C2CD5: variants seen among roughly 807,000 people sequenced by gnomAD.
The protein encoded by C2CD5 is C2 domain-containing protein 5.
Under a neutral mutation model 130.3 loss-of-function variants are expected in C2CD5, and 109 were observed. The ratio of observed to expected loss-of-function variants is 0.84; its 90% confidence interval spans 0.72 to 0.98. C2CD5 has a LOEUF of 0.98. Ranked by LOEUF, C2CD5 falls within the 50% of genes least tolerant of loss-of-function variation. The pLI, the probability that C2CD5 is intolerant of heterozygous loss-of-function variation, is 0.00. For synonymous variants in C2CD5, 454 were observed against 429.2 expected (o/e 1.06, Z -0.71); for missense variants, 996 against 1,261.8 (o/e 0.79, Z 3.19).
At chr12:22,520,483 G>A (rs764343122) in intron 7 of C2CD5, among the ~76,000 whole-genome samples, 1 of 152,034 alleles carries the variant, frequency 6.6e-6, no homozygotes, top group Non-Finnish European at 1.5e-5. Context: ...CTGTTTCTAC[G>A]TTTGTTGCTA....
intron 2 of C2CD5, among the ~76,000 whole-genome samples, chr12:22,539,501 A>G (rs1952140047): frequency 6.6e-6 from 1 of 152,194 alleles, no homozygotes. Flanking sequence ...AAGCTTTGCA[A>G]AAAAGACAGA....
chr12:22,517,947 TA>T (rs1379795423), intron 8 of C2CD5, 38 bp downstream of exon 8: 2 of 1,535,466 alleles, frequency 1.3e-6, no homozygotes, highest in Non-Finnish European at 1.8e-6. Context: ...AACAAATTTT[TA>T]AAAAAGAAAA....
At chr12:22,527,184 T>G (rs1324554864) in intron 4 of C2CD5, among the ~76,000 whole-genome samples, 2 of 152,054 alleles carry the variant, frequency 1.3e-5, no homozygotes, top group Non-Finnish European at 2.9e-5. Context: ...TTTTAAATCA[T>G]GCATTTACTT....
intron 12 of C2CD5, among the ~76,000 whole-genome samples, chr12:22,488,056 A>AG: frequency 1.4e-5 from 1 of 69,354 alleles, no homozygotes; most frequent in East Asian, 4.4e-4. Flanking sequence ...GGGTAGGGGG[A>AG]GGGGGGAGGG....
intron 9 of C2CD5, among the ~76,000 whole-genome samples, chr12:22,509,474 C>A (rs920047859): frequency 6.6e-6 from 1 of 152,114 alleles, no homozygotes; most frequent in African/African-American, 2.4e-5. Flanking sequence ...GAGGCCACGA[C>A]CCACTCTCCA....
intron 12 of C2CD5, among the ~76,000 whole-genome samples, chr12:22,487,988 T>G (rs371195231): frequency 1.5e-5 from 2 of 130,174 alleles, no homozygotes; most frequent in East Asian, 2.2e-4. Flanking sequence ...CACTCATAGG[T>G]GGGAATGAGA....
At position 22,448,884 on chromosome 12, in the gene C2CD5, A is replaced by G. The variant is rs1937948476; in HGVS notation, c.*876T>C. On this transcript the variant is annotated 3_prime_UTR_variant, in exon 27 of 27. Transcript: ENST00000446597. ...TATGCCAAATACAGTCTAACTCACCATCAACAATCCCTCAGATATTACTAA... is the reference window on the plus strand; with the variant it reads ...TATGCCAAATACAGTCTAACTCACCGTCAACAATCCCTCAGATATTACTAA... 1 of 152,602 alleles carries G rather than the reference A, an allele frequency of 6.6e-6. No individual in the cohort carries two copies. The highest frequency in any genetic ancestry group is 2.4e-5 in the African/African-American group (1 of 41,440). The allele number at this position is 152,602 out of a possible 1,614,324, so 9.5% of individuals were successfully genotyped here. A position where few individuals can be genotyped will look rare whatever the true frequency, so the allele number is the denominator to read the frequency against.
At chr12:22,527,037 CA>C in intron 4 of C2CD5, among the ~76,000 whole-genome samples, 1 of 152,298 alleles carries the variant, frequency 6.6e-6, no homozygotes, top group East Asian at 1.9e-4. Context: ...CCTGCAATGG[CA>C]TGTGCCTGCA....
chr12:22,517,135 T>C (rs1949810310), intron 8 of C2CD5, among the ~76,000 whole-genome samples: 1 of 151,918 alleles, frequency 6.6e-6, no homozygotes, highest in African/African-American at 2.4e-5. Context: ...TTTTATAAAT[T>C]TCTTTTCTAA....
chr12:22,544,275 GGCGCGCGCGGGC>G (rs1285894311), intron 1 of C2CD5, 33 bp downstream of exon 1: 3 of 732,324 alleles, frequency 4.1e-6, no homozygotes, highest in Admixed American at 3.9e-5. Context: ...AGCGCGCGGG[GGCGCGCGCGGGC>G]GCCCGGCAGT....
At chr12:22,458,200 G>A (rs1047168059) in intron 24 of C2CD5, among the ~76,000 whole-genome samples, 2 of 152,042 alleles carry the variant, frequency 1.3e-5, no homozygotes, top group African/African-American at 4.8e-5. Flanking sequence ...AAGAGAGTTG[G>A]CAATTTACTT....
At chr12:22,499,127 T>C (rs1242414687) in intron 10 of C2CD5, among the ~76,000 whole-genome samples, 1 of 152,174 alleles carries the variant, frequency 6.6e-6, no homozygotes, top group Non-Finnish European at 1.5e-5. Flanking sequence ...TATTTTCCCA[T>C]CTCAACACTC....
chr12:22,459,628 G>A (rs1940695427), intron 22 of C2CD5, 86 bp from the exon 23 acceptor site: 3 of 768,902 alleles, frequency 3.9e-6, no homozygotes. Context: ...ACCTCTATAA[G>A]CCAGAAGAAT....
intron 16 of C2CD5, 25 bp downstream of exon 16, chr12:22,474,726 A>T (rs753443579): frequency 1.3e-6 from 2 of 1,541,780 alleles, no homozygotes; most frequent in East Asian, 4.7e-5. Context: ...AAAACCTTTA[A>T]GAAATTAGTC....
intron 11 of C2CD5, among the ~76,000 whole-genome samples, chr12:22,490,940 A>G (rs191531547): frequency 5.7e-4 from 87 of 152,334 alleles, no homozygotes; most frequent in Admixed American, 1.3e-3. Flanking sequence ...CAGAAGCCTA[A>G]GAGAACAAGG....
At chr12:22,468,258 G>T (rs575516684) in intron 22 of C2CD5, among the ~76,000 whole-genome samples, 1 of 152,014 alleles carries the variant, frequency 6.6e-6, no homozygotes. Context: ...TCCCCCTATC[G>T]CCTGGGCTGG....
At position 22,535,260 on chromosome 12, in the gene C2CD5, CAA is replaced by C; in HGVS notation, c.173_174del (p.Phe58Ter). On this transcript the variant is annotated frameshift_variant, in exon 3 of 27. Transcript: ENST00000446597. LOFTEE classifies it high-confidence loss of function. Reference sequence around the variant, plus strand: ...AATGCTGACATTTAAAAACTTACCTCAAATTTAAACCACTCCGAGTTCCACTG... The same window carrying C: ...AATGCTGACATTTAAAAACTTACCTCATTTAAACCACTCCGAGTTCCACTG... ...NPQWNSEWFK[F>X]EVDDEDLQDE... 3 of 1,583,496 alleles carry C rather than the reference CAA, an allele frequency of 1.9e-6. No homozygotes were observed. The South Asian group carries it at 3.4e-5, about 18-fold the overall frequency.
At chr12:22,483,918 G>T (rs1001629037) in intron 13 of C2CD5, among the ~76,000 whole-genome samples, 1 of 152,146 alleles carries the variant, frequency 6.6e-6, no homozygotes, top group Non-Finnish European at 1.5e-5. Flanking sequence ...AAGTAGACAG[G>T]TATAAGTCTA....
intron 10 of C2CD5, among the ~76,000 whole-genome samples, chr12:22,496,872 A>AG (rs1204928520): frequency 6.6e-6 from 1 of 152,022 alleles, no homozygotes; most frequent in African/African-American, 2.4e-5. Flanking sequence ...CAGCACACTT[A>AG]GGTTGACATC....
Sources: allele counts gnomAD v4.1 joint callset (sites outside exome capture counted in the v4.1 genomes callset), GRCh38; gene constraint gnomAD v4.1.1; transcripts MANE v1.5; gene names NCBI Gene and HGNC (gene_info 2026-07-23, HGNC 2026-07-21).